The following CHD4 variants were observed in gnomAD, a reference collection of about 807,000 sequenced individuals.
The protein encoded by CHD4 is ATP-dependent chromatin remodeler CHD4.
CHD4 carries 35 observed loss-of-function variants against 235.5 expected under a neutral mutation model. That is an observed-to-expected ratio of 0.15 (90% CI 0.11 to 0.20). The LOEUF is 0.20. CHD4 is among the 10% of genes least tolerant of loss of function. The pLI is 1.00. For synonymous variants in CHD4, 900 were observed against 850.2 expected (o/e 1.06, Z -1.02); for missense variants, 1,329 against 2,432.3 (o/e 0.55, Z 9.54).
intron 31 of CHD4, 83 bp downstream of exon 31, chr12:6,581,564 CCT>C (rs1948189657): frequency 1.3e-6 from 2 of 1,591,106 alleles, no homozygotes; most frequent in Non-Finnish European, 8.6e-7. Context: ...GCCAGACTAC[CCT>C]GTTAGAACTG....
At chr12:6,597,639 G>A (rs955383503) in intron 12 of CHD4, among the ~76,000 whole-genome samples, 8 of 152,094 alleles carry the variant, frequency 5.3e-5, no homozygotes, top group African/African-American at 1.4e-4. Flanking sequence ...GGTGGCTTGC[G>A]CCTGTAGTCC....
chr12:6,570,994 C>T lies in CHD4; in HGVS notation c.5596G>A (p.Ala1866Thr), dbSNP rs755584570. ...GTAGCTGGGAGTCGAGTCACATCAG[C>T]TTTCATGTCACTCAGCAGTTCTTCC... ...QLEELLSDMK[A>T]DVTRLPATIA... Residue 1866 changes from alanine to threonine, a missense_variant, in exon 39 of 40, where the codon GCT becomes ACT. This residue lies in a region of CHD4 where 135 missense variants were observed against 282.3 expected (regional missense o/e 0.48). Coordinates refer to ENST00000544040, the MANE Select transcript of CHD4 (RefSeq NM_001273.5). 1.2e-6 allele frequency: 2 copies of T among 1,614,190 alleles called. No individual in the cohort carries two copies. Among genetic ancestry groups the T allele is most frequent in the Admixed American group, 1.7e-5 (1 of 60,024 alleles).
At chr12:6,585,281 A>G (rs1412461478) in intron 25 of CHD4, among the ~76,000 whole-genome samples, 1 of 152,058 alleles carries the variant, frequency 6.6e-6, no homozygotes, top group Non-Finnish European at 1.5e-5. Context: ...ATAAAAAGGT[A>G]TATACCGATT....
Position 6,577,692 on chromosome 12 carries a change from C to T in CHD4, c.5361+93G>A, listed in dbSNP as rs1033882620. 3.3e-6 allele frequency: 5 copies of T among 1,513,738 alleles called. No homozygotes were observed. The African/African-American group carries it at 5.5e-5, about 17-fold the overall frequency. The allele number at this position is 1,513,738 out of a possible 1,614,324, so 93.8% of individuals were successfully genotyped here. A position where few individuals can be genotyped will look rare whatever the true frequency, so the allele number is the denominator to read the frequency against. On this transcript the variant is annotated intron_variant, in intron 37 of 39. Transcript: ENST00000544040. ...TTCCATAGAATGAAGAAAGTGAGAACAGTGCGCTGGATGGACAGACTCCCT... is the reference window on the plus strand; with the variant it reads ...TTCCATAGAATGAAGAAAGTGAGAATAGTGCGCTGGATGGACAGACTCCCT...
chr12:6,602,418 A>C lies in CHD4; in HGVS notation c.180T>G (p.Pro60=), dbSNP rs761477668. ...TGCTCTTAGGGATTTTAGGGTCCCGAGGTTTCTTAGGCTTTTTCTTCTTCT... is the reference window on the plus strand; with the variant it reads ...TGCTCTTAGGGATTTTAGGGTCCCGCGGTTTCTTAGGCTTTTTCTTCTTCT... The part of the protein sequence containing the change: ...KLKKKKKPKK[P]RDPKIPKSKR... The change falls in exon 3 of 40, where the codon CCT becomes CCG. Residue 60 remains proline (P), a synonymous_variant. Coordinates refer to ENST00000544040, the MANE Select transcript of CHD4 (RefSeq NM_001273.5). 1 of 1,614,008 alleles carries C rather than the reference A, an allele frequency of 6.2e-7. No individual in the cohort carries two copies. The highest frequency in any genetic ancestry group is 1.7e-5 in the Admixed American group (1 of 59,994).
chr12:6,591,272 A>C, intron 22 of CHD4, 194 bp downstream of exon 22: 1 of 550,778 alleles, frequency 1.8e-6, no homozygotes, highest in South Asian at 2.6e-5. Context: ...CAGAAAGAAC[A>C]AATACCCCAA....
At chr12:6,604,229 C>T (rs979705461) in intron 2 of CHD4, among the ~76,000 whole-genome samples, 1 of 152,106 alleles carries the variant, frequency 6.6e-6, no homozygotes, top group Admixed American at 6.5e-5. Context: ...GAGCCAAGAT[C>T]GCACACTGCA....
At position 6,593,315 on chromosome 12, in the gene CHD4, A is replaced by AG. The variant is rs1247642135; in HGVS notation, c.2515-88dup. ...ACTGATGGAATGTTTTCCTCCTCCC[A>AG]GGGTTACCCTTTTGCCTCACCAGGG... On this transcript the variant is annotated intron_variant, in intron 16 of 39. Transcript: ENST00000544040. This position sits in a 1 kb window ranked among gnomAD's most constrained non-coding sequence, Gnocchi z 4.9. 2.5e-6 allele frequency: 4 copies of AG among 1,600,730 alleles called. No homozygotes were observed. The Admixed American group carries it at 6.7e-5, about 27-fold the overall frequency.
chr12:6,601,897 G>T, intron 4 of CHD4, 63 bp downstream of exon 4: 1 of 1,576,138 alleles, frequency 6.3e-7, no homozygotes, highest in Non-Finnish European at 8.7e-7. Context: ...GGGCAGTAAG[G>T]TGTCTAGGAA....
intron 1 of CHD4, 128 bp from the exon 2 acceptor site, chr12:6,606,579 G>T (rs1948704954): frequency 2.1e-6 from 1 of 485,734 alleles, no homozygotes; most frequent in Non-Finnish European, 3.6e-6. Context: ...CGCTCAGGCT[G>T]AACTTAGTTC....
chr12:6,601,460 G>T lies in CHD4; in HGVS notation c.628C>A (p.Arg210=). ...AAGGGGTTATTGGTACTGAACTCCC[G>T]CCATTTTGCACCCAAAACCATCATC... The part of the protein sequence containing the change: ...KMMMVLGAKW[R]EFSTNNPFKG... Residue 210 remains arginine, a synonymous_variant, in exon 6 of 40, where the codon CGG becomes AGG. Coordinates refer to ENST00000544040, the MANE Select transcript of CHD4 (RefSeq NM_001273.5). 6.2e-7 allele frequency: 1 copy of T among 1,614,102 alleles called. No individual in the cohort carries two copies. Among genetic ancestry groups the T allele is most frequent in the South Asian group, 1.1e-5 (1 of 91,078 alleles).
rs369640320 is a variant in CHD4 at position 6,598,183 on chromosome 12, C to T, written c.1686+39G>A. The T allele has an allele frequency of 1.9e-6, 3 of 1,608,834 alleles. No homozygotes were observed. The African/African-American group carries it at 4.0e-5, about 22-fold the overall frequency. ...AAGGCTCTTTTGTCACTATCCTCTT[C>T]ATCGTAGCCCCTACATCTCCAGACT... On this transcript the variant is annotated intron_variant, in intron 11 of 39. Transcript: ENST00000544040.
At chr12:6,599,048 T>C (rs774499023) in intron 10 of CHD4, among the ~76,000 whole-genome samples, 5 of 152,200 alleles carry the variant, frequency 3.3e-5, no homozygotes, top group Non-Finnish European at 5.9e-5. Context: ...AGTTAGACTT[T>C]AACAATAAGC....
At chr12:6,596,176 G>A (rs2136218538) in intron 12 of CHD4, 39 bp from the exon 13 acceptor site, 1 of 1,608,362 alleles carries the variant, frequency 6.2e-7, no homozygotes, top group East Asian at 2.2e-5. Flanking sequence ...AGCCAGAAAA[G>A]GCAACCCTCC....
chr12:6,587,119 C>A, intron 25 of CHD4: 2 of 451,808 alleles, frequency 4.4e-6, no homozygotes, highest in South Asian at 3.5e-5. Context: ...TTTAATAAAA[C>A]ACATAGGAGA....
rs1447191202 is a variant in CHD4, at chr12:6,581,659, G to A, written c.4671C>T (p.Val1557=). 3 of 1,613,516 alleles carry A rather than the reference G, an allele frequency of 1.9e-6. No homozygotes were observed. Among genetic ancestry groups the A allele is most frequent in the South Asian group, 1.1e-5 (1 of 91,022 alleles). ...GACAGGCAGACTTACCAGCAGGTGG[G>A]ACAGGTGCAGGAGTGTTGGGCTGCG... The part of the protein sequence containing the change: ...GDTQPNTPAP[V]PPAEDGIKIE... Residue 1557 remains valine (V), a synonymous_variant, in exon 31 of 40, where the codon GTC becomes GTT. Transcript: ENST00000544040.
intron 10 of CHD4, among the ~76,000 whole-genome samples, 172 bp downstream of exon 10, chr12:6,599,601 A>G (rs751212891): frequency 2.6e-5 from 4 of 152,246 alleles, no homozygotes; most frequent in Non-Finnish European, 5.9e-5. Flanking sequence ...GTTTGAAGTT[A>G]GTCCTATATT....
At chr12:6,595,474 ATAG>A in intron 13 of CHD4, 44 bp from the exon 14 acceptor site, 1 of 1,568,002 alleles carries the variant, frequency 6.4e-7, no homozygotes, top group South Asian at 1.1e-5. Context: ...ATCCTTTTCT[ATAG>A]AAGAAACAAC....
intron 12 of CHD4, among the ~76,000 whole-genome samples, chr12:6,596,718 T>C (rs947087021): frequency 4.6e-5 from 7 of 151,848 alleles, no homozygotes; most frequent in African/African-American, 1.5e-4. Flanking sequence ...GAGAATTGCT[T>C]GAACCCGGGC....
Sources: gnomAD v4.1 joint callset for allele counts (sites outside exome capture counted in the v4.1 genomes callset) on GRCh38, gnomAD v4.1.1 for gene constraint, gnomAD v4.1.1 regional missense constraint, Gnocchi (gnomAD v3.1) non-coding constraint, MANE v1.5 for transcripts, NCBI Gene and HGNC (gene_info 2026-07-23, HGNC 2026-07-21) for gene names.